Variants in CSMD3 observed in about 807,000 individuals in gnomAD.
CSMD3 encodes the protein CUB and Sushi multiple domains 3.
CSMD3 carries 177 observed loss-of-function variants against 435.2 expected under a neutral mutation model. The ratio of observed to expected loss-of-function variants is 0.41; its 90% CI spans 0.36 to 0.46. CSMD3 has a LOEUF of 0.46. Ranked by LOEUF, CSMD3 falls within the 20% of genes least tolerant of loss-of-function variation. CSMD3 has a pLI of 0.34. For synonymous variants in CSMD3, 1,656 were observed against 1,520.5 expected (o/e 1.09, Z -2.07); for missense variants, 4,265 against 4,504.6 (o/e 0.95, Z 1.52).
chr8:113,382,522 G>A (rs1188691131), intron 1 of CSMD3, among the ~76,000 whole-genome samples: 1 of 151,946 alleles, frequency 6.6e-6, no homozygotes, highest in Non-Finnish European at 1.5e-5. Context: ...CATAATTAAG[G>A]TACTTTAACT....
At chr8:113,311,308 AG>A (rs2093866788) in intron 2 of CSMD3, 1 of 152,106 alleles carries the variant, frequency 6.6e-6, no homozygotes, top group South Asian at 2.1e-4. Flanking sequence ...CAGAAAAACA[AG>A]TAATATCATT....
intron 17 of CSMD3, among the ~76,000 whole-genome samples, chr8:112,659,561 A>G (rs1204757204): frequency 2.0e-5 from 3 of 152,216 alleles, no homozygotes; most frequent in Non-Finnish European, 4.4e-5. Flanking sequence ...GCATGCATTC[A>G]GGGAGCTGAG....
At chr8:113,078,325 A>G (rs186163073) in intron 5 of CSMD3, among the ~76,000 whole-genome samples, 5 of 152,354 alleles carry the variant, frequency 3.3e-5, no homozygotes, top group Admixed American at 3.3e-4. Flanking sequence ...AAGACAAATT[A>G]GAGATCAAAC....
chr8:113,002,050 A>G (rs549538217), intron 6 of CSMD3, among the ~76,000 whole-genome samples: 103 of 152,214 alleles, frequency 6.8e-4, no homozygotes, highest in Non-Finnish European at 1.1e-3. Context: ...TAACTATAAG[A>G]CAATATATCT....
rs546940992 is a variant in CSMD3 at position 112,856,230 on chromosome 8, T to C, written c.1755+2915A>G. ...CAGAAGCTTGTGGAAGGGGCATAAA[T>C]GAACATCAAAAATGTATATTAGTTT... is the stretch of plus-strand genomic sequence containing the variant. On this transcript the variant is annotated intron_variant, in intron 11 of 70. Coordinates refer to ENST00000297405, the MANE Select transcript of CSMD3 (RefSeq NM_198123.2). Among the ~76,000 whole-genome samples, 10 of 152,028 alleles carry C rather than the reference T, an allele frequency of 6.6e-5. No individual in the cohort carries two copies. The East Asian group carries it at 1.7e-3, about 26-fold the overall frequency.
intron 55 of CSMD3, 32 bp downstream of exon 55, chr8:112,292,505 G>A (rs758566609): frequency 6.2e-7 from 1 of 1,602,836 alleles, no homozygotes; most frequent in South Asian, 1.1e-5. Flanking sequence ...TTATTATCAT[G>A]CCACCAAATG....
intron 13 of CSMD3, among the ~76,000 whole-genome samples, chr8:112,736,323 A>T (rs1733242833): frequency 6.6e-6 from 1 of 151,978 alleles, no homozygotes; most frequent in South Asian, 2.1e-4. Context: ...GGTTCCTGGT[A>T]ACTCAGCTAA....
intron 4 of CSMD3, among the ~76,000 whole-genome samples, chr8:113,106,972 A>G (rs2090497243): frequency 6.6e-6 from 1 of 152,162 alleles, no homozygotes; most frequent in African/African-American, 2.4e-5. Flanking sequence ...AATGAATTTT[A>G]GAACATTTTC....
chr8:112,969,429 G>A (rs1587790094), intron 7 of CSMD3, among the ~76,000 whole-genome samples: 1 of 151,840 alleles, frequency 6.6e-6, no homozygotes, highest in Admixed American at 6.6e-5. Context: ...AGTGTTGGAG[G>A]AGAAAAGTCT....
At chr8:112,347,549 A>G (rs374085123) in intron 40 of CSMD3, among the ~76,000 whole-genome samples, 2 of 152,308 alleles carry the variant, frequency 1.3e-5, no homozygotes, top group African/African-American at 2.4e-5. Flanking sequence ...TAAATAAATT[A>G]TGTGTCAATC....
chr8:112,602,508 G>A (rs925305555), intron 22 of CSMD3, among the ~76,000 whole-genome samples: 27 of 150,804 alleles, frequency 1.8e-4, no homozygotes, highest in Admixed American at 1.7e-3. Flanking sequence ...GGAGGTTGCC[G>A]TGAGCCAAGA....
At chr8:113,412,241 C>G (rs1479370748) in intron 1 of CSMD3, among the ~76,000 whole-genome samples, 1 of 152,016 alleles carries the variant, frequency 6.6e-6, no homozygotes, top group Non-Finnish European at 1.5e-5. Context: ...CAATCATATG[C>G]AAGCAGAAAC....
rs1225449813 is a variant in CSMD3, at chr8:112,953,042, C to T, written c.1420+1642G>A. Among the ~76,000 whole-genome samples the T allele has an allele frequency of 4.0e-5, 6 of 151,316 alleles. No homozygotes were observed. In the East Asian group the frequency reaches 1.2e-3, roughly 29 times the overall value. On this transcript the variant is annotated intron_variant, in intron 8 of 70. Coordinates refer to ENST00000297405, the MANE Select transcript of CSMD3 (RefSeq NM_198123.2). ...TTGATAAATCCTAGATCTCTTAGTA[C>T]AAATAGCCTGAATTTCCCTGAACAT...
chr8:112,374,312 C>T (rs1828735663), intron 38 of CSMD3, among the ~76,000 whole-genome samples: 1 of 152,244 alleles, frequency 6.6e-6, no homozygotes, highest in Non-Finnish European at 1.5e-5. Context: ...CAGTCCCTCT[C>T]CCCTATTACC....
intron 8 of CSMD3, among the ~76,000 whole-genome samples, chr8:112,950,019 T>C (rs1051396782): frequency 6.6e-5 from 10 of 152,034 alleles, no homozygotes; most frequent in Non-Finnish European, 1.3e-4. Context: ...TCTTTTTAAA[T>C]AGCTTGGAGT....
intron 24 of CSMD3, among the ~76,000 whole-genome samples, chr8:112,568,655 T>C (rs1036502120): frequency 1.3e-5 from 2 of 152,050 alleles, no homozygotes; most frequent in African/African-American, 2.4e-5. Flanking sequence ...TCATACTAGG[T>C]ATGCATATAA....
At chr8:113,063,335 G>A (rs2131372955) in intron 5 of CSMD3, among the ~76,000 whole-genome samples, 1 of 151,858 alleles carries the variant, frequency 6.6e-6, no homozygotes, top group Non-Finnish European at 1.5e-5. Context: ...GCTGTGTCAA[G>A]TTATTTATCC....
intron 45 of CSMD3, 85 bp from the exon 46 acceptor site, chr8:112,320,066 G>A (rs1822851258): frequency 1.2e-6 from 1 of 849,866 alleles, no homozygotes; most frequent in East Asian, 2.5e-5. Flanking sequence ...ATTATGGAAA[G>A]TTGTTTAAAA....
chr8:112,425,879 G>A (rs1426091002), intron 32 of CSMD3, among the ~76,000 whole-genome samples: 1 of 151,862 alleles, frequency 6.6e-6, no homozygotes. Flanking sequence ...AAAAGATGAA[G>A]TCATACATTC....
Sources: gnomAD v4.1 joint callset for allele counts (sites outside exome capture counted in the v4.1 genomes callset) on GRCh38, gnomAD v4.1.1 for gene constraint, MANE v1.5 for transcripts, NCBI Gene and HGNC (gene_info 2026-07-23, HGNC 2026-07-21) for gene names.